BOD1L1: variants seen among roughly 807,000 people sequenced by gnomAD.
The protein encoded by BOD1L1 is biorientation of chromosomes in cell division 1 like 1.
BOD1L1 carries 86 observed loss-of-function variants against 240.7 expected under a neutral mutation model. The observed-to-expected ratio is 0.36, with a 90% CI of 0.30 to 0.43. The LOEUF is 0.43. BOD1L1 is among the 20% of genes least tolerant of loss of function. The pLI is 1.00. For synonymous variants in BOD1L1, 1,268 were observed against 1,272.3 expected, an observed-to-expected ratio of 1.00 and a Z score of 0.07; for missense variants, 3,554 against 3,643.5, an observed-to-expected ratio of 0.98 and a Z score of 0.63.
At chr4:13,583,757 G>C (rs1301110840) in intron 17 of BOD1L1, among the ~76,000 whole-genome samples, 1 of 152,098 alleles carries the variant, frequency 6.6e-6, no homozygotes, top group East Asian at 1.9e-4. Context: ...TTGTCTTATG[G>C]GGTTTTTTGT....
In BOD1L1 at chr4:13,595,942, A is replaced by C. The variant is rs1479514321; in HGVS notation, c.8022T>G (p.Ala2674=). ...LKLKANLKME[A]YVPSEEEKNG... is the part of the protein sequence containing the mutation. ...TTTTCTCTTCCTCTGAAGGCACATA[A>C]GCCTAAAAAATCCAAAGCACCATAA... The change falls in exon 12 of 26, where the codon GCT becomes GCG. Residue 2674 remains alanine (A), a splice_region_variant and synonymous_variant. Transcript: ENST00000040738. 1 of 1,613,172 alleles carries C rather than the reference A, an allele frequency of 6.2e-7. No individual in the cohort carries two copies. Among genetic ancestry groups the C allele is most frequent in the East Asian group, 2.2e-5 (1 of 44,844 alleles).
rs752078300 is a variant in BOD1L1, at chr4:13,590,384, A to ACCT, written c.8208_8209+1dup. 146 of 1,474,494 alleles carry ACCT rather than the reference A, an allele frequency of 9.9e-5. No homozygotes were observed. Among genetic ancestry groups the ACCT allele is most frequent in the Non-Finnish European group, 1.3e-4 (142 of 1,077,062 alleles). The allele number at this position is 1,474,494 out of a possible 1,614,324, so 91.3% of individuals were successfully genotyped here. A position where few individuals can be genotyped will look rare whatever the true frequency, so the allele number is the denominator to read the frequency against. On this transcript the variant is annotated splice_donor_variant, in intron 14 of 25. Transcript: ENST00000040738. LOFTEE classifies it high-confidence loss of function. ...CTATAACTATGAAATTCATTAACTT[A>ACCT]CCTCCTTTGTTATAAGATTCGCTAT...
chr4:13,620,143 C>T, intron 1 of BOD1L1, 76 bp from the exon 2 acceptor site: 2 of 1,405,158 alleles, frequency 1.4e-6, no homozygotes, highest in Non-Finnish European at 1.9e-6. Flanking sequence ...AGTATTTTTA[C>T]CATGGGACAA....
chr4:13,603,201 T>G lies in BOD1L1; in HGVS notation c.3699A>C (p.Ile1233=). The G allele has an allele frequency of 6.2e-7, 1 of 1,614,058 alleles. No individual in the cohort carries two copies. The highest frequency in any genetic ancestry group is 1.1e-5 in the South Asian group (1 of 91,086). ...PIHRGTTEVN[I]DSETVHRMLL... is the part of the protein sequence containing the mutation. ...ACATTCTATGAACAGTTTCAGAATC[T>G]ATATTCACTTCAGTAGTTCCTCTAT... is the stretch of plus-strand genomic sequence containing the variant. Residue 1233 remains isoleucine, a synonymous_variant, in exon 10 of 26, where the codon ATA becomes ATC. Transcript: ENST00000040738.
chr4:13,601,608 A>G lies in BOD1L1; in HGVS notation c.5292T>C (p.Asp1764=). The part of the protein sequence containing the change: ...MVTGAGVVLG[D]NDAPPGTSAS... The stretch of plus-strand genomic sequence containing the variant: ...CACTTGTTCCTGGTGGTGCATCATT[A>G]TCTCCCAGGACAACACCTGCACCTG... Residue 1764 remains aspartate (D), a synonymous_variant, in exon 10 of 26, where the codon GAT becomes GAC. Coordinates refer to ENST00000040738, the MANE Select transcript of BOD1L1 (RefSeq NM_148894.3). 3 of 1,613,938 alleles carry G rather than the reference A, an allele frequency of 1.9e-6. No individual in the cohort carries two copies. Among genetic ancestry groups the G allele is most frequent in the Non-Finnish European group, 2.5e-6 (3 of 1,179,880 alleles).
Position 13,600,119 on chromosome 4 carries a change from C to T in BOD1L1, c.6781G>A (p.Val2261Met). 1.2e-6 allele frequency: 2 copies of T among 1,613,924 alleles called. No individual in the cohort carries two copies. The highest frequency in any genetic ancestry group is 2.2e-5 in the East Asian group (1 of 44,856). ...DGSGIISTSS[V>M]EDCEGPVSSA... ...GACACTGGGCCCTCACAGTCTTCCA[C>T]CGAGCTCGTAGAGATGATGCCACTC... The change falls in exon 10 of 26, where the codon GTG becomes ATG. Residue 2261 changes from valine to methionine, a missense_variant. Val to Met is a conservative substitution (Grantham distance 21). Around this residue, in one of 2 missense-constraint regions of BOD1L1, gnomAD observed 3,393 missense variants for 3,427.1 expected, o/e 0.99. Coordinates refer to ENST00000040738, the MANE Select transcript of BOD1L1 (RefSeq NM_148894.3).
Position 13,581,030 on chromosome 4 carries a change from C to A in BOD1L1, c.8693G>T (p.Gly2898Val). 6.4e-7 allele frequency: 1 copy of A among 1,574,164 alleles called. No homozygotes were observed. The highest frequency in any genetic ancestry group is 8.6e-7 in the Non-Finnish European group (1 of 1,159,186). ...TTTGCAATTACTTACAGTGACAATGCCAGTATCTGTTTTGGAGTCGTCTTC... is the reference window on the plus strand; with the variant it reads ...TTTGCAATTACTTACAGTGACAATGACAGTATCTGTTTTGGAGTCGTCTTC... Reference protein sequence around the residue: ...KMKDDSKTDTGIVTVEQSPSS... With the variant: ...KMKDDSKTDTVIVTVEQSPSS... The change falls in exon 21 of 26, where the codon GGC (glycine) becomes GTC (valine). Residue 2898 changes from glycine to valine, a missense_variant. By Grantham distance (109) the Gly-to-Val change is moderately radical. This residue lies in a region of BOD1L1 where 3,393 missense variants were observed against 3,427.1 expected (regional missense o/e 0.99). Coordinates refer to ENST00000040738, the MANE Select transcript of BOD1L1 (RefSeq NM_148894.3).
intron 15 of BOD1L1, among the ~76,000 whole-genome samples, chr4:13,588,174 GGA>G (rs1713870900): frequency 1.3e-5 from 2 of 148,316 alleles, no homozygotes; most frequent in African/African-American, 5.0e-5. Context: ...TGCAACAGGG[GGA>G]GACTGTTTCA....
rs1006119376 is a variant in BOD1L1 at position 13,568,829 on chromosome 4, TAAAA to T, written c.*1178_*1181del. The T allele has an allele frequency of 4.2e-5, 6 of 142,900 alleles. No homozygotes were observed. The highest frequency in any genetic ancestry group is 1.5e-4 in the African/African-American group (6 of 38,842). 8.9% of individuals were successfully genotyped at this position (142,900 alleles called of 1,614,324 possible). A position where few individuals can be genotyped will look rare whatever the true frequency, so the allele number is the denominator to read the frequency against. ...ATCCACCTTACATTAAGAGTCAAAA[TAAAA>T]AAAAAAACCCATACACACTGAATGT... On this transcript the variant is annotated 3_prime_UTR_variant, in exon 26 of 26. Coordinates refer to ENST00000040738, the MANE Select transcript of BOD1L1 (RefSeq NM_148894.3).
chr4:13,601,889 A>G lies in BOD1L1; in HGVS notation c.5011T>C (p.Ser1671Pro). 1 of 1,613,988 alleles carries G rather than the reference A, an allele frequency of 6.2e-7. No individual in the cohort carries two copies. The highest frequency in any genetic ancestry group is 8.5e-7 in the Non-Finnish European group (1 of 1,179,884). Residue 1671 changes from serine to proline, a missense_variant, in exon 10 of 26, where the codon TCA (serine) becomes CCA (proline). This residue lies in a region of BOD1L1 where 3,393 missense variants were observed against 3,427.1 expected (regional missense o/e 0.99). Coordinates refer to ENST00000040738, the MANE Select transcript of BOD1L1 (RefSeq NM_148894.3). Reference sequence around the variant, plus strand: ...GTAATAGTTCCTTCAACTATTTCTGAGTCTCTACTTAAAGAACCATCACAT... The same window carrying G: ...GTAATAGTTCCTTCAACTATTTCTGGGTCTCTACTTAAAGAACCATCACAT... Reference protein sequence around the residue: ...EKCDGSLSRDSEIVEGTITFI... With the variant: ...EKCDGSLSRDPEIVEGTITFI...
At position 13,604,711 on chromosome 4, in the gene BOD1L1, C is replaced by T; in HGVS notation, c.2189G>A (p.Arg730Lys). The T allele has an allele frequency of 6.2e-7, 1 of 1,602,498 alleles. No homozygotes were observed. Among genetic ancestry groups the T allele is most frequent in the Non-Finnish European group, 8.5e-7 (1 of 1,177,290 alleles). The change falls in exon 10 of 26, where the codon AGA becomes AAA. Residue 730 changes from arginine to lysine, a missense_variant. By Grantham distance (26) the Arg-to-Lys change is conservative (BLOSUM62 2). Around this residue, in one of 2 missense-constraint regions of BOD1L1, gnomAD observed 3,393 missense variants for 3,427.1 expected, o/e 0.99. Coordinates refer to ENST00000040738, the MANE Select transcript of BOD1L1 (RefSeq NM_148894.3). ...TTTGTCTTCCGATGGAGTTTTCTCT[C>T]TTTCAGGCTTCTCCTTGGAGGATTT... is the stretch of plus-strand genomic sequence containing the variant. ...EVKSSKEKPE[R>K]EKTPSEDKLS...
rs1459726349 is a variant in BOD1L1, at chr4:13,599,591, C to T, written c.7309G>A (p.Glu2437Lys). 1 of 1,614,032 alleles carries T rather than the reference C, an allele frequency of 6.2e-7. No homozygotes were observed. The part of the protein sequence containing the change: ...CAEKEEKHGK[E>K]CPEIGPFAGR... Reference sequence around the variant, plus strand: ...GCAAATGGTCCTATTTCGGGGCACTCCTTGCCATGCTTCTCTTCTTTTTCC... The same window carrying T: ...GCAAATGGTCCTATTTCGGGGCACTTCTTGCCATGCTTCTCTTCTTTTTCC... The change falls in exon 10 of 26, where the codon GAG (glutamate) becomes AAG (lysine). Residue 2437 changes from glutamate (E) to lysine (K), a missense_variant. This residue lies in a region of BOD1L1 where 3,393 missense variants were observed against 3,427.1 expected (regional missense o/e 0.99). Transcript: ENST00000040738.
rs555365971 is a variant in BOD1L1 at position 13,595,879 on chromosome 4, C to G, written c.8085G>C (p.Gly2695=). ...EILAPPESLC[G]GKPSGIAELQ... Reference sequence around the variant, plus strand: ...GCTCACCTATTCCACTTGGCTTTCCCCCACACAGACTTTCTGGTGGTGCCA... The same window carrying G: ...GCTCACCTATTCCACTTGGCTTTCCGCCACACAGACTTTCTGGTGGTGCCA... The change falls in exon 12 of 26, where the codon GGG becomes GGC. Residue 2695 remains glycine, a synonymous_variant. Transcript: ENST00000040738. 9 of 1,613,574 alleles carry G rather than the reference C, an allele frequency of 5.6e-6. No individual in the cohort carries two copies. The highest frequency in any genetic ancestry group is 7.6e-6 in the Non-Finnish European group (9 of 1,179,826).
chr4:13,619,513 T>C (rs1205763717), intron 2 of BOD1L1, among the ~76,000 whole-genome samples: 1 of 152,076 alleles, frequency 6.6e-6, no homozygotes, highest in African/African-American at 2.4e-5. Context: ...GGCACTGTAT[T>C]AAAAGAAGAC....
chr4:13,576,362 T>C (rs754727768), intron 25 of BOD1L1, among the ~76,000 whole-genome samples: 3 of 152,150 alleles, frequency 2.0e-5, no homozygotes, highest in Non-Finnish European at 4.4e-5. Context: ...TATATGAAAT[T>C]ACCTCAAAAA....
Position 13,600,938 on chromosome 4 carries a change from C to T in BOD1L1, c.5962G>A (p.Asp1988Asn), listed in dbSNP as rs375345783. The T allele has an allele frequency of 1.2e-5, 19 of 1,613,896 alleles. No homozygotes were observed. Among genetic ancestry groups the T allele is most frequent in the Non-Finnish European group, 1.4e-5 (17 of 1,179,904 alleles). ...TCTTCAACTTTTTCGAGCTGACTGT[C>T]ACTTTGATCAGATGCAGCACTAGTC... Reference protein sequence around the residue: ...PMTSAASDQSDSQLEKVEDTT... With the variant: ...PMTSAASDQSNSQLEKVEDTT... The change falls in exon 10 of 26, where the codon GAC (aspartate) becomes AAC (asparagine). Residue 1988 changes from aspartate to asparagine, a missense_variant. Transcript: ENST00000040738.
chr4:13,573,800 A>G (rs971618519), intron 25 of BOD1L1, among the ~76,000 whole-genome samples: 3 of 152,192 alleles, frequency 2.0e-5, no homozygotes, highest in Admixed American at 1.3e-4. Context: ...CTGGGATTAC[A>G]GGCGTGAGCC....
chr4:13,597,026 T>G (rs1714673347), intron 11 of BOD1L1, 78 bp downstream of exon 11: 1 of 1,137,028 alleles, frequency 8.8e-7, no homozygotes, highest in Admixed American at 2.0e-5. Flanking sequence ...ATATACCACA[T>G]AAGTATATAT....
rs1577372240 is a variant in BOD1L1, at chr4:13,613,612, A to C, written c.1224T>G (p.Val408=). 6.2e-7 allele frequency: 1 copy of C among 1,607,566 alleles called. No individual in the cohort carries two copies. Among genetic ancestry groups the C allele is most frequent in the East Asian group, 2.2e-5 (1 of 44,800 alleles). ...AAAGGTCACTGGTATGAACAGAGCT[A>C]ACTGTGATGTCTGTAAGTCCATCCA... ...SDVDGLTDIT[V]SSVHTSDLSS... The change falls in exon 5 of 26, where the codon GTT becomes GTG. Residue 408 remains valine, a synonymous_variant. Coordinates refer to ENST00000040738, the MANE Select transcript of BOD1L1 (RefSeq NM_148894.3). This position sits in a 1 kb window ranked among gnomAD's most constrained non-coding sequence, Gnocchi z 4.0.
Sources: gnomAD v4.1 joint callset for allele counts (sites outside exome capture counted in the v4.1 genomes callset) on GRCh38, gnomAD v4.1.1 for gene constraint, gnomAD v4.1.1 regional missense constraint, Gnocchi (gnomAD v3.1) non-coding constraint, MANE v1.5 for transcripts, NCBI Gene and HGNC (gene_info 2026-07-23, HGNC 2026-07-21) for gene names.